Variants in NYAP2 observed in about 807,000 individuals in gnomAD.
The protein encoded by NYAP2 is neuronal tyrosine-phosphorylated phosphoinositide-3-kinase adapter 2.
A neutral mutation model predicts 50.4 loss-of-function variants in NYAP2; 23 were observed. The ratio of observed to expected loss-of-function variants is 0.46; its 90% CI spans 0.33 to 0.65. The LOEUF (loss-of-function observed/expected upper bound fraction) is 0.65. Among genes scored for constraint, NYAP2 ranks in the 30% least tolerant of loss-of-function variants. The pLI, the probability that NYAP2 is intolerant of heterozygous loss-of-function variation, is 0.02. For missense variants in NYAP2, 885 were observed against 861.0 expected, an observed-to-expected ratio of 1.03 and a Z score of -0.35; for synonymous variants, 394 against 365.2, an observed-to-expected ratio of 1.08 and a Z score of -0.90.
intron 3 of NYAP2, among the ~76,000 whole-genome samples, chr2:225,497,901 G>A (rs931890907): frequency 3.3e-5 from 5 of 152,066 alleles, no homozygotes; most frequent in African/African-American, 1.2e-4. Flanking sequence ...TCCCTTTAGA[G>A]GTTGGAAATT....
chr2:225,529,744 G>A (rs1232141374), intron 4 of NYAP2, among the ~76,000 whole-genome samples: 1 of 152,146 alleles, frequency 6.6e-6, no homozygotes, highest in Non-Finnish European at 1.5e-5. Flanking sequence ...GTCTCACTCT[G>A]TCGCCCAGGC....
intron 4 of NYAP2, among the ~76,000 whole-genome samples, chr2:225,529,517 G>C (rs1691214641): frequency 6.6e-6 from 1 of 152,058 alleles, no homozygotes; most frequent in African/African-American, 2.4e-5. Flanking sequence ...TAGAGACAGG[G>C]TTTTGCCATG....
At chr2:225,524,669 G>T (rs960102802) in intron 4 of NYAP2, among the ~76,000 whole-genome samples, 3 of 152,106 alleles carry the variant, frequency 2.0e-5, no homozygotes, top group African/African-American at 2.4e-5. Flanking sequence ...TAGCAAAAAT[G>T]CCTCTGGACA....
chr2:225,447,497 A>G (rs1440586872), intron 3 of NYAP2, among the ~76,000 whole-genome samples: 2 of 152,204 alleles, frequency 1.3e-5, no homozygotes, highest in African/African-American at 2.4e-5. Flanking sequence ...GCTTCTATAA[A>G]TAAGTAATTT....
intron 6 of NYAP2, among the ~76,000 whole-genome samples, chr2:225,645,322 G>A (rs892730440): frequency 2.2e-4 from 34 of 151,842 alleles, no homozygotes; most frequent in Admixed American, 1.8e-3. Context: ...AATTGATGAT[G>A]GTGAGTTACA....
At chr2:225,443,769 C>T (rs1364459657) in intron 3 of NYAP2, among the ~76,000 whole-genome samples, 1 of 152,094 alleles carries the variant, frequency 6.6e-6, no homozygotes, top group Admixed American at 6.6e-5. Flanking sequence ...TTCTAAAGAA[C>T]AGCTTTATAG....
chr2:225,474,517 G>A (rs144485311), intron 3 of NYAP2, among the ~76,000 whole-genome samples: 120 of 152,172 alleles, frequency 7.9e-4, no homozygotes, highest in African/African-American at 2.8e-3. Flanking sequence ...CCTTGTAGAG[G>A]TCCTTCACAT....
intron 3 of NYAP2, among the ~76,000 whole-genome samples, chr2:225,424,791 G>C (rs895278717): frequency 6.6e-6 from 1 of 152,042 alleles, no homozygotes; most frequent in Admixed American, 6.6e-5. Flanking sequence ...AAAGTAAAAA[G>C]GGAGATTATA....
At position 225,617,572 on chromosome 2, in the gene NYAP2, G is replaced by A. The variant is rs541215190; in HGVS notation, c.1619-9345G>A. Among the ~76,000 whole-genome samples, 62 of 152,212 alleles carry A rather than the reference G, an allele frequency of 4.1e-4. 1 individual carries two copies. Among genetic ancestry groups the A allele is most frequent in the Non-Finnish European group, 7.8e-4 (53 of 68,008 alleles). On this transcript the variant is annotated intron_variant, in intron 5 of 6. Transcript: ENST00000636099. The stretch of plus-strand genomic sequence containing the variant: ...TCCTTTTAAATATTGCAAAAAAATA[G>A]GAGAATAGAATCTTAAATTTTCCCA...
rs566868944 is a variant in NYAP2, at chr2:225,448,963, A to C, written c.221+39862A>C. Among the ~76,000 whole-genome samples the C allele has an allele frequency of 2.6e-5, 4 of 152,338 alleles. No homozygotes were observed. The South Asian group carries it at 8.3e-4, about 32-fold the overall frequency. On this transcript the variant is annotated intron_variant, in intron 3 of 6. Coordinates refer to ENST00000636099, the Ensembl canonical transcript of NYAP2. ...GTTGGGGCATTTCTGTACAAACTGC[A>C]TGATGAACTCCTGGACACAATAAAA...
chr2:225,605,448 T>C (rs531927920), intron 5 of NYAP2, among the ~76,000 whole-genome samples: 1 of 152,276 alleles, frequency 6.6e-6, no homozygotes, highest in East Asian at 1.9e-4. Flanking sequence ...CTAATGATTG[T>C]TTGTCAGTTG....
At chr2:225,488,538 T>C (rs1052412080) in intron 3 of NYAP2, among the ~76,000 whole-genome samples, 15 of 152,086 alleles carry the variant, frequency 9.9e-5, no homozygotes, top group African/African-American at 3.6e-4. Context: ...CAAGCCCAGC[T>C]AATTTTTGTA....
the NYAP2 span, chr2:225,702,854 A>T: frequency 6.6e-6 from 1 of 151,712 alleles, no homozygotes; most frequent in Non-Finnish European, 1.5e-5. Flanking sequence ...TCAACCAAAC[A>T]TGAAAATTCT....
the NYAP2 span, among the ~76,000 whole-genome samples, chr2:225,674,120 G>T: frequency 1.3e-5 from 2 of 152,050 alleles, no homozygotes; most frequent in African/African-American, 4.8e-5. Flanking sequence ...TGAGAGCTGT[G>T]GGGTAGAGAG....
chr2:225,702,732 T>C, the NYAP2 span: 1 of 151,846 alleles, frequency 6.6e-6, no homozygotes, highest in East Asian at 1.9e-4. Flanking sequence ...TCAATTACAT[T>C]GCAGCAAAAT....
chr2:225,600,169 T>C (rs1006223858), intron 5 of NYAP2, among the ~76,000 whole-genome samples: 21 of 152,192 alleles, frequency 1.4e-4, no homozygotes, highest in Admixed American at 3.9e-4. Context: ...ACAGTGCTGA[T>C]TGGTTAGGTC....
At chr2:225,408,759 G>A (rs567364584) in intron 2 of NYAP2, 105 bp from the exon 3 acceptor site, 13 of 601,108 alleles carry the variant, frequency 2.2e-5, no homozygotes, top group South Asian at 6.7e-5. Flanking sequence ...TTCTCCAATC[G>A]GATTTGGCCA....
intron 3 of NYAP2, among the ~76,000 whole-genome samples, chr2:225,500,972 AG>A (rs1259811462): frequency 1.3e-5 from 2 of 152,210 alleles, no homozygotes; most frequent in East Asian, 1.9e-4. Flanking sequence ...GAAGCATTCA[AG>A]GGTGGTGTCA....
chr2:225,558,680 A>G (rs960260996), intron 4 of NYAP2, among the ~76,000 whole-genome samples: 2 of 152,038 alleles, frequency 1.3e-5, no homozygotes, highest in Non-Finnish European at 2.9e-5. Context: ...TTGCTTTGTA[A>G]TGTAGTCACA....
Sources: allele counts gnomAD v4.1 joint callset (sites outside exome capture counted in the v4.1 genomes callset), GRCh38; gene constraint gnomAD v4.1.1; transcripts MANE v1.5; gene names NCBI Gene and HGNC (gene_info 2026-07-23, HGNC 2026-07-21).